The following ASXL1 variants were observed in gnomAD, a reference collection of about 807,000 sequenced individuals.
ASXL1 encodes the protein ASXL transcriptional regulator 1, also known as polycomb group protein ASXL1.
In ASXL1, 65 loss-of-function variants were observed where a neutral mutation model predicts 89.1. That is an observed-to-expected ratio of 0.73 (90% CI 0.60 to 0.90). ASXL1 has a LOEUF of 0.90. Among genes scored for constraint, ASXL1 ranks in the 40% least tolerant of loss-of-function variants. The pLI is 0.00. For missense variants in ASXL1, 1,786 were observed against 1,942.9 expected (o/e 0.92, Z 1.52); for synonymous variants, 739 against 746.9 (o/e 0.99, Z 0.17).
intron 4 of ASXL1, among the ~76,000 whole-genome samples, chr20:32,391,917 T>G (rs2048678392): frequency 6.6e-6 from 1 of 152,166 alleles, no homozygotes; most frequent in Non-Finnish European, 1.5e-5. Context: ...ATTTTTTCCA[T>G]CCTTTTGTGT....
In ASXL1 at chr20:32,379,308, C is replaced by T. The variant is rs576976150; in HGVS notation, c.252+10185C>T. 2.0e-5 allele frequency among the ~76,000 whole-genome samples: 3 copies of T among 148,942 alleles called. No homozygotes were observed. The East Asian group carries it at 5.9e-4, about 29-fold the overall frequency. Reference sequence around the variant, plus strand: ...CAAGCAGTTCTTCTGCCTTAGCCTCCCAGGTAGCTGGGATTACAGGTGCAG... The same window carrying T: ...CAAGCAGTTCTTCTGCCTTAGCCTCTCAGGTAGCTGGGATTACAGGTGCAG... On this transcript the variant is annotated intron_variant, in intron 4 of 12. Transcript: ENST00000375687.
chr20:32,359,793 T>C (rs1338958552), intron 1 of ASXL1: 2 of 718,006 alleles, frequency 2.8e-6, no homozygotes, highest in East Asian at 2.7e-5. Flanking sequence ...GACTTGCAGG[T>C]GAAATAGCTT....
chr20:32,363,903 A>G (rs930437799), intron 1 of ASXL1, among the ~76,000 whole-genome samples: 1 of 152,154 alleles, frequency 6.6e-6, no homozygotes, highest in Non-Finnish European at 1.5e-5. Context: ...GTCACTGTGG[A>G]TGGGTAGAGA....
intron 4 of ASXL1, among the ~76,000 whole-genome samples, chr20:32,384,721 G>C (rs1223896312): frequency 2.6e-5 from 4 of 152,150 alleles, no homozygotes. Context: ...TCTACCTCCT[G>C]AAGTTCAGAG....
chr20:32,410,248 A>G (rs2049020834), intron 4 of ASXL1, among the ~76,000 whole-genome samples: 1 of 152,140 alleles, frequency 6.6e-6, no homozygotes, highest in Non-Finnish European at 1.5e-5. Context: ...CAAGCCCTAT[A>G]TATACTGTGT....
chr20:32,388,723 A>T (rs1020129450), intron 4 of ASXL1, among the ~76,000 whole-genome samples: 1 of 152,186 alleles, frequency 6.6e-6, no homozygotes, highest in African/African-American at 2.4e-5. Flanking sequence ...CAGTTTTATT[A>T]TCAAAACAAG....
chr20:32,423,110 T>G (rs1017041145), intron 4 of ASXL1, among the ~76,000 whole-genome samples: 1 of 152,150 alleles, frequency 6.6e-6, no homozygotes, highest in Non-Finnish European at 1.5e-5. Context: ...ATGGAAAGAT[T>G]AATGATCTTT....
Position 32,401,550 on chromosome 20 carries a change from T to TTC in ASXL1, c.253-26578_253-26577insTC, listed in dbSNP as rs1555907089. Among the ~76,000 whole-genome samples the TTC allele has an allele frequency of 1.6e-3, 206 of 129,936 alleles. 6 individuals carry two copies. The highest frequency in any genetic ancestry group is 3.3e-3 in the African/African-American group (99 of 29,584). The allele number at this position is 129,936 out of a possible 152,430, so 85.2% of individuals were successfully genotyped here. On this transcript the variant is annotated intron_variant, in intron 4 of 12. Transcript: ENST00000375687. ...TGTGTGTGTGTGTGTGTGTGTTTTTTCCCCCCCCCCCTTTTTTTTTTTGAG... is the reference window on the plus strand; with the variant it reads ...TGTGTGTGTGTGTGTGTGTGTTTTTTTCCCCCCCCCCCCTTTTTTTTTTTGAG...
chr20:32,398,388 G>A (rs1402705000), intron 4 of ASXL1, among the ~76,000 whole-genome samples: 2 of 126,056 alleles, frequency 1.6e-5, no homozygotes, highest in African/African-American at 5.4e-5. Context: ...TCACAGTGTT[G>A]GGTAACCATC....
chr20:32,391,355 A>G (rs1022388733), intron 4 of ASXL1, among the ~76,000 whole-genome samples: 2 of 152,186 alleles, frequency 1.3e-5, no homozygotes, highest in African/African-American at 2.4e-5. Context: ...CTATGTGGAC[A>G]TACAGTTTCA....
chr20:32,390,095 T>C (rs958977638), intron 4 of ASXL1, among the ~76,000 whole-genome samples: 1 of 152,260 alleles, frequency 6.6e-6, no homozygotes, highest in Non-Finnish European at 1.5e-5. Flanking sequence ...ATGCATTTAA[T>C]ATGACTAACC....
chr20:32,435,505 GA>G lies in ASXL1; in HGVS notation c.2796del (p.Ala933LeufsTer12). 1 of 1,614,056 alleles carries G rather than the reference GA, an allele frequency of 6.2e-7. No homozygotes were observed. The highest frequency in any genetic ancestry group is 8.5e-7 in the Non-Finnish European group (1 of 1,180,042). The stretch of plus-strand genomic sequence containing the variant: ...AGCCCCAGGTTGGAGAGGAGTGGGA[GA>G]AAGCTGCTCCCACCCCTCCTGCATT... ...VEPQVGEEWE[K>X]AAPTPPALPG... On this transcript the variant is annotated frameshift_variant, in exon 13 of 13. Transcript: ENST00000375687. LOFTEE classifies it low-confidence loss of function (END_TRUNC).
chr20:32,419,082 T>C (rs2049192980), intron 4 of ASXL1, among the ~76,000 whole-genome samples: 1 of 152,046 alleles, frequency 6.6e-6, no homozygotes, highest in Non-Finnish European at 1.5e-5. Flanking sequence ...CTGCCCGCCT[T>C]AGCCTCTCAA....
chr20:32,381,882 T>C (rs1345947204), intron 4 of ASXL1, among the ~76,000 whole-genome samples: 1 of 151,982 alleles, frequency 6.6e-6, no homozygotes, highest in Non-Finnish European at 1.5e-5. Flanking sequence ...GTTTTTGTTA[T>C]AGAATGTGCT....
At chr20:32,410,327 C>T (rs547669287) in intron 4 of ASXL1, among the ~76,000 whole-genome samples, 4 of 152,184 alleles carry the variant, frequency 2.6e-5, no homozygotes, top group East Asian at 3.9e-4. Flanking sequence ...TTTAGAAATA[C>T]GGTCTTACAC....
chr20:32,382,096 C>T (rs1401821233), intron 4 of ASXL1, among the ~76,000 whole-genome samples: 1 of 151,892 alleles, frequency 6.6e-6, no homozygotes, highest in East Asian at 1.9e-4. Flanking sequence ...GCTGGGATTA[C>T]AGGCATGAGG....
At position 32,412,594 on chromosome 20, in the gene ASXL1, AT is replaced by A. The variant is rs377498376; in HGVS notation, c.253-15515del. 4.7e-3 allele frequency among the ~76,000 whole-genome samples: 652 copies of A among 137,534 alleles called. 2 individuals carry two copies. The highest frequency in any genetic ancestry group is 0.011 in the African/African-American group (409 of 37,030). 90.2% of individuals were successfully genotyped at this position (137,534 alleles called of 152,430 possible). ...GCATTACCCTTAAGAAAAGAAATAA[AT>A]TTTTTTTTTTTTTTTTTTGGAAACA... On this transcript the variant is annotated intron_variant, in intron 4 of 12. Transcript: ENST00000375687.
intron 4 of ASXL1, among the ~76,000 whole-genome samples, chr20:32,392,527 G>T (rs991493652): frequency 6.9e-6 from 1 of 145,766 alleles, no homozygotes; most frequent in Non-Finnish European, 1.5e-5. Flanking sequence ...TGATCTGCCC[G>T]CCTCGGCCTC....
chr20:32,368,304 C>T (rs1334837120), intron 3 of ASXL1, among the ~76,000 whole-genome samples: 2 of 152,124 alleles, frequency 1.3e-5, no homozygotes, highest in East Asian at 1.9e-4. Flanking sequence ...TGAATTGTCA[C>T]GTTTTGTAAC....
Sources: allele counts gnomAD v4.1 joint callset (sites outside exome capture counted in the v4.1 genomes callset), GRCh38; gene constraint gnomAD v4.1.1; transcripts MANE v1.5; gene names NCBI Gene and HGNC (gene_info 2026-07-23, HGNC 2026-07-21).